Variants in GABRG3 observed in about 807,000 individuals in gnomAD.
GABRG3 encodes the protein gamma-aminobutyric acid type A receptor subunit gamma3.
Under a neutral mutation model 48.8 loss-of-function variants are expected in GABRG3, and 25 were observed. The observed-to-expected ratio is 0.51, with a 90% CI of 0.37 to 0.72. The LOEUF is 0.72. Among genes scored for constraint, GABRG3 ranks in the 30% least tolerant of loss-of-function variants. The pLI is 0.00. For synonymous variants in GABRG3, 227 were observed against 217.6 expected, an observed-to-expected ratio of 1.04 and a Z score of -0.38; for missense variants, 394 against 577.9, an observed-to-expected ratio of 0.68 and a Z score of 3.26.
At chr15:27,480,345 G>C (rs984892823) in intron 5 of GABRG3, among the ~76,000 whole-genome samples, 4 of 152,144 alleles carry the variant, frequency 2.6e-5, no homozygotes, top group Admixed American at 2.6e-4. Flanking sequence ...TCCACTCCTC[G>C]AAGGCCGACG....
At chr15:27,305,154 A>C (rs200703220) in intron 3 of GABRG3, among the ~76,000 whole-genome samples, 1 of 151,860 alleles carries the variant, frequency 6.6e-6, no homozygotes, top group East Asian at 1.9e-4. Context: ...ATGTCTCTGC[A>C]TCATTAGTTG....
chr15:27,111,486 C>T (rs1897548228), intron 3 of GABRG3, among the ~76,000 whole-genome samples: 1 of 152,144 alleles, frequency 6.6e-6, no homozygotes, highest in Non-Finnish European at 1.5e-5. Context: ...TAATAGGATC[C>T]AAGGTCAATA....
chr15:27,319,559 G>A lies in GABRG3; in HGVS notation c.271-7250G>A, dbSNP rs961580347. On this transcript the variant is annotated intron_variant, in intron 3 of 9. Coordinates refer to ENST00000615808, the MANE Select transcript of GABRG3 (RefSeq NM_033223.5). The surrounding 1 kb of genome is among the most constrained non-coding windows in gnomAD (Gnocchi z 4.4). ...AAATAGTGAGTAATACCATGAGGAG[G>A]GGCAGGCTGTTGGCAAATATGCCAA... Among the ~76,000 whole-genome samples the A allele has an allele frequency of 2.0e-5, 3 of 152,150 alleles. No homozygotes were observed. Among genetic ancestry groups the A allele is most frequent in the African/African-American group, 7.2e-5 (3 of 41,434 alleles).
At chr15:27,382,901 G>T (rs1595716952) in intron 5 of GABRG3, among the ~76,000 whole-genome samples, 1 of 152,156 alleles carries the variant, frequency 6.6e-6, no homozygotes, top group African/African-American at 2.4e-5. Context: ...GAAGTGTTTG[G>T]CAGACAGCAT....
rs1427231553 is a variant in GABRG3, at chr15:27,313,254, GTGTGTGTGTATATA to G, written c.271-13553_271-13540del. ...TATATGTATATATGTGTGTGTGTGTGTGTGTGTGTATATATATATATATATATATATATATATAT... is the reference window on the plus strand; with the variant it reads ...TATATGTATATATGTGTGTGTGTGTGTATATATATATATATATATATATAT... On this transcript the variant is annotated intron_variant, in intron 3 of 9. Coordinates refer to ENST00000615808, the MANE Select transcript of GABRG3 (RefSeq NM_033223.5). Among the ~76,000 whole-genome samples the G allele has an allele frequency of 4.0e-3, 250 of 62,534 alleles. 6 individuals are homozygous for G. The highest frequency in any genetic ancestry group is 0.011 in the African/African-American group (180 of 15,946). 41.0% of individuals were successfully genotyped at this position (62,534 alleles called of 152,430 possible). A position where few individuals can be genotyped will look rare whatever the true frequency, so the allele number is the denominator to read the frequency against.
chr15:27,317,894 C>CCACTGTTAA (rs75453164), intron 3 of GABRG3, among the ~76,000 whole-genome samples: 62,593 of 151,594 alleles, frequency 0.41, 15,072 homozygotes, highest in Non-Finnish European at 0.55. Flanking sequence ...TTTAAATCTG[C>CCACTGTTAA]CACATCCTCA....
chr15:27,110,525 CT>C (rs531289454), intron 3 of GABRG3, among the ~76,000 whole-genome samples: 188 of 146,544 alleles, frequency 1.3e-3, no homozygotes, highest in Middle Eastern at 3.6e-3. Context: ...GCTTGTAGAA[CT>C]TTTTTTTTTT....
chr15:27,139,020 TAGACAGAC>T (rs369260047), intron 3 of GABRG3, among the ~76,000 whole-genome samples: 54 of 151,884 alleles, frequency 3.6e-4, no homozygotes, highest in African/African-American at 1.2e-3. Context: ...GATAGATAGA[TAGACAGAC>T]AGACAGACAG....
At chr15:26,977,845 A>G (rs970787421) in intron 2 of GABRG3, among the ~76,000 whole-genome samples, 1 of 152,344 alleles carries the variant, frequency 6.6e-6, no homozygotes, top group South Asian at 2.1e-4. Flanking sequence ...ACCCAGGAGT[A>G]CGATTGCTGG....
rs191841692 is a variant in GABRG3, at chr15:27,274,197, G to A, written c.271-52612G>A. On this transcript the variant is annotated intron_variant, in intron 3 of 9. Coordinates refer to ENST00000615808, the MANE Select transcript of GABRG3 (RefSeq NM_033223.5). ...AGTGACTGGAAGTGACAATCCATGT[G>A]CCATTGCATGGTCCGACTGCTTGTC... Among the ~76,000 whole-genome samples the A allele has an allele frequency of 2.0e-5, 3 of 152,322 alleles. No homozygotes were observed. The East Asian group carries it at 5.8e-4, about 29-fold the overall frequency.
At chr15:27,105,531 G>A (rs999657775) in intron 3 of GABRG3, among the ~76,000 whole-genome samples, 3 of 152,144 alleles carry the variant, frequency 2.0e-5, no homozygotes, top group Admixed American at 1.3e-4. Context: ...GAAAATTTAA[G>A]ATAATTGAAA....
intron 3 of GABRG3, among the ~76,000 whole-genome samples, chr15:27,098,098 T>C (rs898649098): frequency 2.0e-5 from 3 of 152,136 alleles, no homozygotes; most frequent in African/African-American, 4.8e-5. Context: ...TTTGTTAATA[T>C]GCTCTGAGAA....
chr15:26,981,745 C>T (rs567254839), intron 2 of GABRG3, among the ~76,000 whole-genome samples: 3 of 152,274 alleles, frequency 2.0e-5, no homozygotes, highest in East Asian at 3.9e-4. Flanking sequence ...TGTGCCTGAC[C>T]GTGGCTTGCT....
At chr15:27,140,941 G>C (rs932777891) in intron 3 of GABRG3, among the ~76,000 whole-genome samples, 10 of 152,152 alleles carry the variant, frequency 6.6e-5, no homozygotes, top group Admixed American at 5.2e-4. Context: ...GAGCTTTACT[G>C]TAAGGTTAGC....
intron 6 of GABRG3, among the ~76,000 whole-genome samples, chr15:27,491,391 C>T (rs1890351088): frequency 6.6e-6 from 1 of 152,228 alleles, no homozygotes; most frequent in Admixed American, 6.5e-5. Context: ...CAGCCCAGTC[C>T]AGTCCTGGCT....
At chr15:27,132,107 C>CT (rs1362465878) in intron 3 of GABRG3, among the ~76,000 whole-genome samples, 3 of 151,892 alleles carry the variant, frequency 2.0e-5, no homozygotes, top group African/African-American at 7.3e-5. Context: ...CTAATTGTTT[C>CT]CTTTGTTGTA....
intron 3 of GABRG3, among the ~76,000 whole-genome samples, chr15:27,032,289 A>G (rs1896100119): frequency 6.6e-6 from 1 of 152,216 alleles, no homozygotes; most frequent in South Asian, 2.1e-4. Flanking sequence ...TCTGGAACAC[A>G]TTAACCATGA....
At chr15:27,275,165 TG>T (rs1449752741) in intron 3 of GABRG3, among the ~76,000 whole-genome samples, 1 of 152,214 alleles carries the variant, frequency 6.6e-6, no homozygotes, top group Non-Finnish European at 1.5e-5. Flanking sequence ...GGGGCATTAA[TG>T]AACTCAGCCA....
chr15:27,287,737 CT>C lies in GABRG3; in HGVS notation c.271-39053del, dbSNP rs61469529. Among the ~76,000 whole-genome samples the C allele has an allele frequency of 5.0e-3, 617 of 123,276 alleles. 1 individual carries two copies. Among genetic ancestry groups the C allele is most frequent in the Middle Eastern group, 0.02 (5 of 252 alleles). 80.9% of individuals were successfully genotyped at this position (123,276 alleles called of 152,430 possible). On this transcript the variant is annotated intron_variant, in intron 3 of 9. Coordinates refer to ENST00000615808, the MANE Select transcript of GABRG3 (RefSeq NM_033223.5). Reference sequence around the variant, plus strand: ...ATTCATTCAAGATGATTTGCTGTGTCTTTTTTTTTTTTTTTTTTTGAGATGG... The same window carrying C: ...ATTCATTCAAGATGATTTGCTGTGTCTTTTTTTTTTTTTTTTTTGAGATGG...
Sources: allele counts gnomAD v4.1 joint callset (sites outside exome capture counted in the v4.1 genomes callset), GRCh38; gene constraint gnomAD v4.1.1; non-coding constraint Gnocchi (gnomAD v3.1); transcripts MANE v1.5; gene names NCBI Gene and HGNC (gene_info 2026-07-23, HGNC 2026-07-21).